Variants in PRKAR2B observed in about 807,000 individuals in gnomAD.
The protein encoded by PRKAR2B is cAMP-dependent protein kinase type II-beta regulatory subunit.
PRKAR2B carries 14 observed loss-of-function variants against 49.9 expected under a neutral mutation model. The observed-to-expected ratio is 0.28, with a 90% confidence interval of 0.19 to 0.44. The LOEUF (loss-of-function observed/expected upper bound fraction) is 0.44. PRKAR2B is among the 20% of genes least tolerant of loss of function. The pLI, the probability that PRKAR2B is intolerant of heterozygous loss-of-function variation, is 1.00. For missense variants in PRKAR2B, 393 were observed against 537.9 expected, an observed-to-expected ratio of 0.73 and a Z score of 2.67; for synonymous variants, 196 against 197.7, an observed-to-expected ratio of 0.99 and a Z score of 0.07.
chr7:107,114,334 G>A (rs894835391), intron 2 of PRKAR2B, among the ~76,000 whole-genome samples: 85 of 81,702 alleles, frequency 1.0e-3, no homozygotes, highest in African/African-American at 5.1e-3. Flanking sequence ...CTGTGTGTGT[G>A]TGTGTGTGTG....
intron 2 of PRKAR2B, among the ~76,000 whole-genome samples, chr7:107,108,218 T>C (rs1795113126): frequency 6.6e-6 from 1 of 152,098 alleles, no homozygotes; most frequent in South Asian, 2.1e-4. Flanking sequence ...ACAACGTGAC[T>C]CTGGCATCCC....
At chr7:107,108,202 C>T (rs1036059232) in intron 2 of PRKAR2B, among the ~76,000 whole-genome samples, 1 of 152,100 alleles carries the variant, frequency 6.6e-6, no homozygotes, top group Non-Finnish European at 1.5e-5. Context: ...CAGTTGGGGC[C>T]ACTGGACAAC....
intron 2 of PRKAR2B, among the ~76,000 whole-genome samples, chr7:107,120,385 A>G (rs1435954082): frequency 6.6e-6 from 1 of 152,102 alleles, no homozygotes; most frequent in Non-Finnish European, 1.5e-5. Context: ...GTTAAGAGTC[A>G]CTGGTTCAGG....
chr7:107,094,118 A>C (rs928072983), intron 2 of PRKAR2B, among the ~76,000 whole-genome samples: 3 of 152,246 alleles, frequency 2.0e-5, no homozygotes, highest in African/African-American at 7.2e-5. Context: ...ACTAGTTTAC[A>C]GTCCCACCAA....
intron 2 of PRKAR2B, among the ~76,000 whole-genome samples, chr7:107,110,712 G>C (rs1795155496): frequency 6.6e-6 from 1 of 151,952 alleles, no homozygotes; most frequent in Admixed American, 6.5e-5. Context: ...AGTACTGGCA[G>C]GACCCATCAC....
chr7:107,116,747 A>G (rs1363518843), intron 2 of PRKAR2B, among the ~76,000 whole-genome samples: 1 of 151,938 alleles, frequency 6.6e-6, no homozygotes, highest in African/African-American at 2.4e-5. Context: ...TAAGAGCATT[A>G]CTAATGGATG....
intron 2 of PRKAR2B, among the ~76,000 whole-genome samples, chr7:107,092,481 G>A (rs1245973914): frequency 6.6e-6 from 1 of 152,046 alleles, no homozygotes; most frequent in Non-Finnish European, 1.5e-5. Flanking sequence ...TTATTGAAGT[G>A]TGTGTGGACT....
chr7:107,093,142 T>C (rs377738426), intron 2 of PRKAR2B, among the ~76,000 whole-genome samples: 1 of 152,250 alleles, frequency 6.6e-6, no homozygotes, highest in Non-Finnish European at 1.5e-5. Context: ...CTTGGGTTGC[T>C]TCTACCTTTG....
At chr7:107,085,380 A>G (rs1368003007) in intron 2 of PRKAR2B, among the ~76,000 whole-genome samples, 2 of 152,186 alleles carry the variant, frequency 1.3e-5, no homozygotes, top group African/African-American at 2.4e-5. Flanking sequence ...GTAAGGTTCA[A>G]TTATCAAAAT....
chr7:107,077,875 T>C (rs1473088593), intron 2 of PRKAR2B: 1 of 152,192 alleles, frequency 6.6e-6, no homozygotes, highest in African/African-American at 2.4e-5. Flanking sequence ...ACAAGATGAT[T>C]GTTGTAATGA....
At chr7:107,156,439 G>C (rs928783532) in intron 8 of PRKAR2B, among the ~76,000 whole-genome samples, 2 of 151,674 alleles carry the variant, frequency 1.3e-5, no homozygotes, top group African/African-American at 2.4e-5. Context: ...CTCCATCTTG[G>C]GGGGGAAAAA....
chr7:107,110,972 G>A (rs1026187563), intron 2 of PRKAR2B, among the ~76,000 whole-genome samples: 1 of 151,990 alleles, frequency 6.6e-6, no homozygotes, highest in African/African-American at 2.4e-5. Context: ...GGCTTTTGGG[G>A]TCCCCAATTC....
intron 2 of PRKAR2B, among the ~76,000 whole-genome samples, chr7:107,086,164 G>C (rs768360945): frequency 1.3e-5 from 2 of 152,114 alleles, no homozygotes; most frequent in African/African-American, 2.4e-5. Flanking sequence ...ATTTTCTTGT[G>C]TGAATTTCCT....
At chr7:107,055,091 C>T (rs541671570) in intron 1 of PRKAR2B, among the ~76,000 whole-genome samples, 16 of 152,156 alleles carry the variant, frequency 1.1e-4, no homozygotes, top group African/African-American at 3.6e-4. Context: ...TGATAGTTTG[C>T]TGAGAATGAT....
chr7:107,090,621 T>A (rs774723271), intron 2 of PRKAR2B, among the ~76,000 whole-genome samples: 8 of 152,222 alleles, frequency 5.3e-5, no homozygotes, highest in Non-Finnish European at 1.0e-4. Flanking sequence ...CTCTGTTGGC[T>A]CGCTGAGCTT....
rs1306322995 is a variant in PRKAR2B, at chr7:107,157,313, T to C, written c.1112T>C (p.Val371Ala). 1 of 1,612,802 alleles carries C rather than the reference T, an allele frequency of 6.2e-7. No individual in the cohort carries two copies. Among genetic ancestry groups the C allele is most frequent in the Non-Finnish European group, 8.5e-7 (1 of 1,179,548 alleles). Residue 371 changes from valine (V) to alanine (A), a missense_variant, in exon 10 of 11, where the codon GTC becomes GCC. Physicochemically the swap from Val to Ala is moderately conservative, Grantham distance 64 (BLOSUM62 0). Coordinates refer to ENST00000265717, the MANE Select transcript of PRKAR2B (RefSeq NM_002736.3). ...GCTTCTGCCCACGCCATTGGGACTG[T>C]CAAATGTTTAGGTAGGGATTGCAAC... ...RAASAHAIGT[V>A]KCLAMDVQAF...
At chr7:107,067,641 A>AG (rs750663348) in intron 1 of PRKAR2B, among the ~76,000 whole-genome samples, 22 of 152,350 alleles carry the variant, frequency 1.4e-4, no homozygotes, top group Non-Finnish European at 3.1e-4. Context: ...CAGTGTAGTT[A>AG]GATTGTCCCA....
chr7:107,107,783 G>A (rs1188406043), intron 2 of PRKAR2B, among the ~76,000 whole-genome samples: 4 of 152,008 alleles, frequency 2.6e-5, no homozygotes, highest in Admixed American at 1.3e-4. Context: ...TCAGCCTCCT[G>A]AGTAGCTGGG....
In PRKAR2B at chr7:107,153,192, A is replaced by C. The variant is rs768206192; in HGVS notation, c.859A>C (p.Lys287Gln). The change falls in exon 8 of 11, where the codon AAA becomes CAA. Residue 287 changes from lysine to glutamine, a missense_variant. Physicochemically the swap from Lys to Gln is moderately conservative, Grantham distance 53. Coordinates refer to ENST00000265717, the MANE Select transcript of PRKAR2B (RefSeq NM_002736.3). ...LKSLEFSERLKVVDVIGTKVY... is the reference protein window; with the variant it reads ...LKSLEFSERLQVVDVIGTKVY... Reference sequence around the variant, plus strand: ...TTCTTTGTAGTTTTCTGAACGCCTGAAAGTAGTAGATGTGATAGGCACCAA... The same window carrying C: ...TTCTTTGTAGTTTTCTGAACGCCTGCAAGTAGTAGATGTGATAGGCACCAA... The C allele has an allele frequency of 1.9e-6, 3 of 1,608,588 alleles. No individual in the cohort carries two copies. The highest frequency in any genetic ancestry group is 1.7e-6 in the Non-Finnish European group (2 of 1,177,546).
Sources: gnomAD v4.1 joint callset for allele counts (sites outside exome capture counted in the v4.1 genomes callset) on GRCh38, gnomAD v4.1.1 for gene constraint, MANE v1.5 for transcripts, NCBI Gene and HGNC (gene_info 2026-07-23, HGNC 2026-07-21) for gene names.